The following DCLK1 variants were observed in gnomAD, a reference collection of about 807,000 sequenced individuals.
DCLK1 encodes the protein serine/threonine-protein kinase DCLK1.
In DCLK1, 16 loss-of-function variants were observed where a neutral mutation model predicts 86.2. That is an observed-to-expected ratio of 0.19 (90% CI 0.13 to 0.28). The LOEUF (loss-of-function observed/expected upper bound fraction) is 0.28. Among genes scored for constraint, DCLK1 ranks in the 10% least tolerant of loss-of-function variants. The pLI, the probability that DCLK1 is intolerant of heterozygous loss-of-function variation, is 1.00. For synonymous variants in DCLK1, 369 were observed against 370.5 expected, an observed-to-expected ratio of 1.00 and a Z score of 0.05; for missense variants, 590 against 940.2, an observed-to-expected ratio of 0.63 and a Z score of 4.87.
chr13:36,105,476 T>A (rs939135117), intron 3 of DCLK1, among the ~76,000 whole-genome samples: 2 of 152,124 alleles, frequency 1.3e-5, no homozygotes, highest in African/African-American at 4.8e-5. Context: ...ATTCACAATA[T>A]ACAGATGATG....
chr13:35,894,085 T>C (rs752355349), intron 4 of DCLK1, among the ~76,000 whole-genome samples: 2 of 151,962 alleles, frequency 1.3e-5, no homozygotes, highest in Admixed American at 6.6e-5. Flanking sequence ...TAGACTTGGG[T>C]CCCATCGCTA....
At chr13:35,878,517 T>G (rs1394515801) in intron 4 of DCLK1, among the ~76,000 whole-genome samples, 3 of 151,792 alleles carry the variant, frequency 2.0e-5, no homozygotes, top group Non-Finnish European at 4.4e-5. Context: ...AAACAAAGCA[T>G]TGCAGTGGGG....
intron 5 of DCLK1, among the ~76,000 whole-genome samples, chr13:35,865,883 C>T (rs1871752784): frequency 6.6e-6 from 1 of 152,164 alleles, no homozygotes; most frequent in Admixed American, 6.5e-5. Context: ...AATCATTCAC[C>T]TCCTGGAACG....
intron 3 of DCLK1, among the ~76,000 whole-genome samples, chr13:36,041,672 G>A (rs1203819475): frequency 2.0e-5 from 3 of 152,084 alleles, no homozygotes; most frequent in Admixed American, 6.6e-5. Flanking sequence ...TTTTAGTCTA[G>A]GTTTCCAAGT....
chr13:35,820,891 T>C (rs182300516), intron 11 of DCLK1, among the ~76,000 whole-genome samples: 1 of 152,356 alleles, frequency 6.6e-6, no homozygotes, highest in Admixed American at 6.5e-5. Flanking sequence ...ACCAGCATAA[T>C]TGCAATTAAC....
At chr13:36,016,201 T>A (rs959896162) in intron 3 of DCLK1, among the ~76,000 whole-genome samples, 2 of 152,166 alleles carry the variant, frequency 1.3e-5, no homozygotes, top group Non-Finnish European at 1.5e-5. Flanking sequence ...AGGCACAGAC[T>A]AATGGAAAGC....
At chr13:35,982,433 G>A (rs9601849) in intron 3 of DCLK1, among the ~76,000 whole-genome samples, 11,758 of 21,124 alleles carry the variant, frequency 0.56, 3,302 homozygotes, top group Middle Eastern at 0.64. Flanking sequence ...AGAGAGAGAG[G>A]GGGAGGGAGG....
At chr13:36,022,904 T>G (rs1819251425) in intron 3 of DCLK1, among the ~76,000 whole-genome samples, 1 of 152,210 alleles carries the variant, frequency 6.6e-6, no homozygotes, top group Non-Finnish European at 1.5e-5. Flanking sequence ...TCTTTGAGGC[T>G]AGTATTATCC....
chr13:35,798,579 C>T (rs757919984), intron 15 of DCLK1, among the ~76,000 whole-genome samples: 1 of 152,184 alleles, frequency 6.6e-6, no homozygotes, highest in African/African-American at 2.4e-5. Flanking sequence ...CCCCTTGACT[C>T]TCTTCAGCAT....
intron 5 of DCLK1, among the ~76,000 whole-genome samples, chr13:35,867,293 T>C: frequency 6.6e-6 from 1 of 152,172 alleles, no homozygotes; most frequent in Non-Finnish European, 1.5e-5. Context: ...CACAAAAAGC[T>C]CACATTAAAC....
chr13:35,788,327 T>A lies in DCLK1; in HGVS notation c.2058+5039A>T, dbSNP rs2086656706. On this transcript the variant is annotated intron_variant, in intron 16 of 16. Transcript: ENST00000360631. ...GGGGCAACTCAGTGGATCAGCATTGTGCTAAAGAATTAAGACTCCAGACCA... is the reference window on the plus strand; with the variant it reads ...GGGGCAACTCAGTGGATCAGCATTGAGCTAAAGAATTAAGACTCCAGACCA... The A allele has an allele frequency of 1.9e-6, 3 of 1,585,220 alleles. No individual in the cohort carries two copies. The East Asian group carries it at 6.7e-5, about 35-fold the overall frequency.
intron 4 of DCLK1, among the ~76,000 whole-genome samples, chr13:35,935,373 G>C (rs939955580): frequency 6.6e-6 from 1 of 152,140 alleles, no homozygotes; most frequent in African/African-American, 2.4e-5. Context: ...AGGATGGAAA[G>C]TTCAAGCATC....
At chr13:36,064,008 T>C (rs1205357306) in intron 3 of DCLK1, among the ~76,000 whole-genome samples, 1 of 152,192 alleles carries the variant, frequency 6.6e-6, no homozygotes, top group Non-Finnish European at 1.5e-5. Context: ...GTAATTAGCC[T>C]ATAATAATCA....
chr13:35,971,155 T>C (rs1389212366), intron 3 of DCLK1, among the ~76,000 whole-genome samples: 4 of 152,208 alleles, frequency 2.6e-5, no homozygotes, highest in African/African-American at 4.8e-5. Flanking sequence ...ATTTCCACTC[T>C]TCCACAAGTG....
chr13:35,872,699 A>C (rs1261283163), intron 4 of DCLK1, among the ~76,000 whole-genome samples: 2 of 152,106 alleles, frequency 1.3e-5, no homozygotes, highest in Non-Finnish European at 2.9e-5. Flanking sequence ...AATTTAAAAA[A>C]TAGCAATAGC....
rs570570827 is a variant in DCLK1 at position 36,028,554 on chromosome 13, T to C, written c.724-81097A>G. Among the ~76,000 whole-genome samples the C allele has an allele frequency of 3.3e-5, 5 of 152,282 alleles. No homozygotes were observed. The East Asian group carries it at 9.7e-4, about 29-fold the overall frequency. ...CCAGGCTGTTTCTTGGCCTGGGAAATGCTCATCTTATCTGCACCCAGGTGA... is the reference window on the plus strand; with the variant it reads ...CCAGGCTGTTTCTTGGCCTGGGAAACGCTCATCTTATCTGCACCCAGGTGA... On this transcript the variant is annotated intron_variant, in intron 3 of 16. Coordinates refer to ENST00000360631, the MANE Select transcript of DCLK1 (RefSeq NM_001330071.2).
chr13:35,999,128 A>C (rs1009950842), intron 3 of DCLK1, among the ~76,000 whole-genome samples: 1 of 151,980 alleles, frequency 6.6e-6, no homozygotes, highest in Non-Finnish European at 1.5e-5. Flanking sequence ...AGTAGCATGC[A>C]CCTGTAGTCC....
At chr13:36,091,578 TTCTG>T (rs1480774705) in intron 3 of DCLK1, among the ~76,000 whole-genome samples, 4 of 152,200 alleles carry the variant, frequency 2.6e-5, no homozygotes, top group Admixed American at 6.5e-5. Context: ...TGCTTCTTTC[TTCTG>T]TCTGCTTCTC....
At chr13:35,844,974 A>G (rs1870069120) in intron 6 of DCLK1, among the ~76,000 whole-genome samples, 1 of 152,206 alleles carries the variant, frequency 6.6e-6, no homozygotes, top group Admixed American at 6.5e-5. Context: ...TCGTCTGGGT[A>G]CAGTGGCTCA....
Sources: allele counts gnomAD v4.1 joint callset (sites outside exome capture counted in the v4.1 genomes callset), GRCh38; gene constraint gnomAD v4.1.1; transcripts MANE v1.5; gene names NCBI Gene and HGNC (gene_info 2026-07-23, HGNC 2026-07-21).